Variants in RBM47 observed in about 807,000 individuals in gnomAD.
The protein encoded by RBM47 is RNA-binding protein 47.
RBM47 carries 21 observed loss-of-function variants against 47.1 expected under a neutral mutation model. The observed-to-expected ratio is 0.45, with a 90% CI of 0.32 to 0.64. The LOEUF (loss-of-function observed/expected upper bound fraction) is 0.64. RBM47 is among the 30% of genes least tolerant of loss of function. The probability of loss-of-function intolerance (pLI) is 0.05; values close to 1 mark genes in which losing one functional copy is unlikely to be tolerated. For missense variants in RBM47, 708 were observed against 870.9 expected, an observed-to-expected ratio of 0.81 and a Z score of 2.35; for synonymous variants, 375 against 361.7, an observed-to-expected ratio of 1.04 and a Z score of -0.42.
Position 40,616,368 on chromosome 4 carries a change from G to GAAA in RBM47, c.-240+13025_-240+13027dup, listed in dbSNP as rs56280844. 4.8e-3 allele frequency among the ~76,000 whole-genome samples: 681 copies of GAAA among 141,118 alleles called. 6 individuals carry two copies. The highest frequency in any genetic ancestry group is 0.029 in the Middle Eastern group (8 of 274). 92.6% of individuals were successfully genotyped at this position (141,118 alleles called of 152,430 possible). On this transcript the variant is annotated intron_variant, in intron 1 of 6. Transcript: ENST00000295971. ...GACTCTGTCTCAAAAAAAAAAAAAA[G>GAAA]AAAAAAAAAAAATCACTTCTTTGGT...
At chr4:40,429,706 A>G (rs2154208914) in intron 6 of RBM47, among the ~76,000 whole-genome samples, 1 of 149,908 alleles carries the variant, frequency 6.7e-6, no homozygotes, top group East Asian at 2.0e-4. Flanking sequence ...AAAAAAAAAA[A>G]AAAAAAAAAA....
chr4:40,616,363 A>G (rs1212008598), intron 1 of RBM47, among the ~76,000 whole-genome samples: 1 of 122,590 alleles, frequency 8.2e-6, no homozygotes, highest in East Asian at 2.4e-4. Context: ...CAAAAAAAAA[A>G]AAAAGAAAAA....
rs368573914 is a variant in RBM47 at position 40,478,671 on chromosome 4, T to C, written c.-154-11972A>G. Among the ~76,000 whole-genome samples, 110 of 152,250 alleles carry C rather than the reference T, an allele frequency of 7.2e-4. 1 individual carries two copies. The South Asian group carries it at 0.016, about 22-fold the overall frequency. ...TTATTAGTTATTACTTTCTTATTTT[T>C]AGAGACAGGTCTTGCTATGTTACCC... On this transcript the variant is annotated intron_variant, in intron 2 of 6. Coordinates refer to ENST00000295971, the MANE Select transcript of RBM47 (RefSeq NM_001098634.2).
At chr4:40,587,020 A>G (rs956661223) in intron 1 of RBM47, among the ~76,000 whole-genome samples, 1 of 152,106 alleles carries the variant, frequency 6.6e-6, no homozygotes. Flanking sequence ...ACTAAAGGGA[A>G]CTTCCTGCTC....
At chr4:40,530,277 C>G (rs1307261969) in intron 2 of RBM47, among the ~76,000 whole-genome samples, 4 of 151,656 alleles carry the variant, frequency 2.6e-5, no homozygotes, top group Non-Finnish European at 5.9e-5. Flanking sequence ...ATCTTCTGTA[C>G]TTAATTTTAA....
rs1729010416 is a variant in RBM47, at chr4:40,546,014, T to C, written c.-239-1508A>G. Among the ~76,000 whole-genome samples the C allele has an allele frequency of 1.3e-5, 2 of 152,194 alleles. 1 individual carries two copies. The highest frequency in any genetic ancestry group is 2.9e-5 in the Non-Finnish European group (2 of 68,040). ...TAAAATTCTTTCTGCAGAGGCACATTAAATTCAAAATCATTTAAATCACTA... is the reference window on the plus strand; with the variant it reads ...TAAAATTCTTTCTGCAGAGGCACATCAAATTCAAAATCATTTAAATCACTA... On this transcript the variant is annotated intron_variant, in intron 1 of 6. Coordinates refer to ENST00000295971, the MANE Select transcript of RBM47 (RefSeq NM_001098634.2).
chr4:40,594,801 T>C (rs1734604170), intron 1 of RBM47, among the ~76,000 whole-genome samples: 1 of 152,210 alleles, frequency 6.6e-6, no homozygotes, highest in Non-Finnish European at 1.5e-5. Context: ...TCTGTATCTC[T>C]TTTGTAAGTA....
intron 3 of RBM47, among the ~76,000 whole-genome samples, chr4:40,444,207 C>A (rs1007153557): frequency 2.0e-5 from 3 of 152,038 alleles, no homozygotes; most frequent in Admixed American, 6.6e-5. Context: ...TCAAAAACAA[C>A]AACAACAATA....
At chr4:40,569,464 C>T (rs1731473565) in intron 1 of RBM47, among the ~76,000 whole-genome samples, 1 of 149,374 alleles carries the variant, frequency 6.7e-6, no homozygotes, top group Non-Finnish European at 1.5e-5. Flanking sequence ...GGCTGGAGTG[C>T]AGTGGTGCGA....
At chr4:40,539,524 T>C (rs962323997) in intron 2 of RBM47, among the ~76,000 whole-genome samples, 1 of 151,962 alleles carries the variant, frequency 6.6e-6, no homozygotes, top group Admixed American at 6.6e-5. Context: ...GTGGATCACC[T>C]GAGGTCAGGA....
chr4:40,485,912 A>T (rs865813854), intron 2 of RBM47, among the ~76,000 whole-genome samples: 4,357 of 151,194 alleles, frequency 0.029, 132 homozygotes, highest in African/African-American at 0.075. Flanking sequence ...AAAAAAAAAA[A>T]ATACAAACAT....
At chr4:40,616,614 A>C (rs137973341) in intron 1 of RBM47, among the ~76,000 whole-genome samples, 49 of 152,224 alleles carry the variant, frequency 3.2e-4, no homozygotes, top group African/African-American at 5.3e-4. Context: ...TTTGCTAGAG[A>C]TACAAATCAG....
chr4:40,523,057 C>T (rs1348523493), intron 2 of RBM47, among the ~76,000 whole-genome samples: 6 of 150,706 alleles, frequency 4.0e-5, no homozygotes, highest in Admixed American at 6.6e-5. Context: ...CCTCTGCCTC[C>T]GGGGTTCAAG....
intron 2 of RBM47, among the ~76,000 whole-genome samples, chr4:40,468,967 ACTC>A (rs1718452408): frequency 6.6e-6 from 1 of 152,198 alleles, no homozygotes; most frequent in African/African-American, 2.4e-5. Context: ...TGGACAATAG[ACTC>A]CTGCATCTCT....
intron 2 of RBM47, among the ~76,000 whole-genome samples, chr4:40,536,423 A>G (rs1727986978): frequency 6.6e-6 from 1 of 152,216 alleles, no homozygotes; most frequent in Non-Finnish European, 1.5e-5. Flanking sequence ...CGCTGACATT[A>G]GCTACCAATT....
At chr4:40,428,393 A>G (rs1340515229) in intron 6 of RBM47, among the ~76,000 whole-genome samples, 1 of 152,116 alleles carries the variant, frequency 6.6e-6, no homozygotes, top group Non-Finnish European at 1.5e-5. Context: ...GCAATGTGTG[A>G]CTCTGGAGCC....
At chr4:40,592,977 A>ATG (rs1734374819) in intron 1 of RBM47, among the ~76,000 whole-genome samples, 3 of 13,148 alleles carry the variant, frequency 2.3e-4, no homozygotes, top group African/African-American at 3.4e-4. Flanking sequence ...ATATATATAT[A>ATG]TATTTTTTTT....
At chr4:40,503,915 G>A (rs1351184957) in intron 2 of RBM47, among the ~76,000 whole-genome samples, 1 of 152,082 alleles carries the variant, frequency 6.6e-6, no homozygotes, top group African/African-American at 2.4e-5. Context: ...GCTCACACCT[G>A]TAATCCCAGC....
intron 3 of RBM47, among the ~76,000 whole-genome samples, chr4:40,451,511 T>C (rs1715443481): frequency 6.6e-6 from 1 of 152,228 alleles, no homozygotes; most frequent in Non-Finnish European, 1.5e-5. Context: ...GCTGACAATC[T>C]GGTTTTTAAG....
Sources: allele counts gnomAD v4.1 joint callset (sites outside exome capture counted in the v4.1 genomes callset), GRCh38; gene constraint gnomAD v4.1.1; transcripts MANE v1.5; gene names NCBI Gene and HGNC (gene_info 2026-07-23, HGNC 2026-07-21).